Variants in ELK1 observed in about 807,000 individuals in gnomAD.
The protein encoded by ELK1 is ETS transcription factor ELK1.
For synonymous variants in ELK1, 163 were observed against 176.3 expected (o/e 0.92, Z 0.60); for missense variants, 254 against 381.5 (o/e 0.67, Z 2.78).
rs2058038961 is a variant in ELK1 at position 47,644,884 on chromosome X, CTG to C, written c.-34-3411_-34-3410del. On this transcript the variant is annotated intron_variant, in intron 2 of 6. Transcript: ENST00000376983. ...TGAACAGAGGGATGACAGGCTGTGA[CTG>C]AGATTTCAACAGGATCCCCCTGGCG... 2.7e-5 allele frequency among the ~76,000 whole-genome samples: 3 copies of C among 111,345 alleles called. No homozygotes were observed. In the South Asian group the frequency reaches 1.1e-3, roughly 42 times the overall value.
At chrX:47,648,518 C>G (rs1181002258) in intron 2 of ELK1, among the ~76,000 whole-genome samples, 1 of 112,461 alleles carries the variant, frequency 8.9e-6, no homozygotes, top group African/African-American at 3.2e-5. Flanking sequence ...GTGTGGTAAA[C>G]ATCCTTTGGG....
At chrX:47,645,117 T>C (rs778738390) in intron 2 of ELK1, among the ~76,000 whole-genome samples, 2 of 110,451 alleles carry the variant, frequency 1.8e-5, no homozygotes, top group Admixed American at 1.9e-4. Flanking sequence ...AAAGACAGCA[T>C]TGTGGTCAGC....
chrX:47,637,038 C>A lies in ELK1; in HGVS notation c.1163G>T (p.Arg388Leu), dbSNP rs763209954. 1 of 1,208,521 alleles carries A rather than the reference C, an allele frequency of 8.3e-7. No individual in the cohort carries two copies. The highest frequency in any genetic ancestry group is 3.0e-5 in the East Asian group (1 of 33,700). The change falls in exon 6 of 7, where the codon CGT becomes CTT. Residue 388 changes from arginine to leucine, a missense_variant. Coordinates refer to ENST00000376983, the MANE Select transcript of ELK1 (RefSeq NM_001114123.3). Reference protein sequence around the residue: ...FWSTLSPIAPRSPAKLSFQFP... With the variant: ...FWSTLSPIAPLSPAKLSFQFP... ...CTGGAAGGAGAGCTTGGCCGGGCTA[C>A]GGGGCGCAATGGGACTCAGGGTGCT...
chrX:47,636,786 G>A lies in ELK1; in HGVS notation c.*43C>T. The A allele has an allele frequency of 9.4e-7, 1 of 1,064,957 alleles. No homozygotes were observed. The highest frequency in any genetic ancestry group is 2.3e-5 in the South Asian group (1 of 44,187). The allele number at this position is 1,064,957 out of a possible 1,213,427, so 87.8% of individuals were successfully genotyped here. ...GAGATGGCTGGCTGGAGAGAGCATG[G>A]ATGGAGTGACCCCAGAAGGGGTGGT... On this transcript the variant is annotated 3_prime_UTR_variant, in exon 7 of 7. Transcript: ENST00000376983.
intron 2 of ELK1, 71 bp from the exon 3 acceptor site, chrX:47,641,546 C>T: frequency 1.3e-6 from 1 of 787,838 alleles, no homozygotes; most frequent in East Asian, 3.5e-5. Flanking sequence ...AGGAGGATTC[C>T]TTTTTTTGTC....
chrX:47,637,993 C>T lies in ELK1; in HGVS notation c.844G>A (p.Val282Met), dbSNP rs376525319. The T allele has an allele frequency of 6.5e-5, 78 of 1,209,016 alleles. No individual in the cohort carries two copies. The highest frequency in any genetic ancestry group is 8.0e-5 in the Non-Finnish European group (72 of 894,775). Reference sequence around the variant, plus strand: ...ACAACCGCGGGCAGCCGGGCTGGCACGCCCTCCTGTGGAGGGACTTCTGGC... The same window carrying T: ...ACAACCGCGGGCAGCCGGGCTGGCATGCCCTCCTGTGGAGGGACTTCTGGC... ...AEPEVPPQEG[V>M]PARLPAVVMD... Residue 282 changes from valine to methionine, a missense_variant, in exon 5 of 7, where the codon GTG becomes ATG. Physicochemically the swap from Val to Met is conservative, Grantham distance 21. Transcript: ENST00000376983.
Position 47,650,548 on chromosome X carries a change from C to CGGTGGTGGT in ELK1, c.-267_-266insACCACCACC, listed in dbSNP as rs762725923. On this transcript the variant is annotated 5_prime_UTR_variant, in exon 1 of 7. Transcript: ENST00000376983. ...GCGGTGGAGGTGGTGGTGGCGGTGGCGGCGGCAGCACCTAGAAGCCGCCCC... is the reference window on the plus strand; with the variant it reads ...GCGGTGGAGGTGGTGGTGGCGGTGGCGGTGGTGGTGGCGGCAGCACCTAGAAGCCGCCCC... 13 of 320,828 alleles carry CGGTGGTGGT rather than the reference C, an allele frequency of 4.1e-5. No individual in the cohort carries two copies. In the Admixed American group the frequency reaches 4.2e-4, roughly 10 times the overall value. The allele number at this position is 320,828 out of a possible 1,213,427, so 26.4% of individuals were successfully genotyped here. A position where few individuals can be genotyped will look rare whatever the true frequency, so the allele number is the denominator to read the frequency against.
At chrX:47,647,725 T>G (rs948751283) in intron 2 of ELK1, among the ~76,000 whole-genome samples, 41 of 112,199 alleles carry the variant, frequency 3.7e-4, no homozygotes, top group Non-Finnish European at 3.8e-5. Flanking sequence ...CCTGGTACAT[T>G]TTCAGTTGCT....
chrX:47,637,804 G>A lies in ELK1; in HGVS notation c.1033C>T (p.Leu345Phe). ...GTCAGCGCCGGCCCCGGAGCCTGGAGGCCGGAGCCACTTCCCGATCCTGGG... is the reference window on the plus strand; with the variant it reads ...GTCAGCGCCGGCCCCGGAGCCTGGAAGCCGGAGCCACTTCCCGATCCTGGG... The part of the protein sequence containing the change: ...RTPGSGSGSG[L>F]QAPGPALTPS... The change falls in exon 5 of 7, where the codon CTC becomes TTC. Residue 345 changes from leucine to phenylalanine, a missense_variant. Coordinates refer to ENST00000376983, the MANE Select transcript of ELK1 (RefSeq NM_001114123.3). The A allele has an allele frequency of 8.4e-7, 1 of 1,195,673 alleles. No homozygotes were observed. The highest frequency in any genetic ancestry group is 3.0e-5 in the East Asian group (1 of 33,228).
At position 47,636,739 on chromosome X, in the gene ELK1, C is replaced by T. The variant is rs745759656; in HGVS notation, c.*90G>A. 26 of 882,254 alleles carry T rather than the reference C, an allele frequency of 2.9e-5. No individual in the cohort carries two copies. The highest frequency in any genetic ancestry group is 4.0e-5 in the Non-Finnish European group (26 of 644,170). 72.7% of individuals were successfully genotyped at this position (882,254 alleles called of 1,213,427 possible). ...CACCACAATCAGAGCATGAGTCTTT[C>T]AGTTGAACTATGTTTCTCCTTGAGA... On this transcript the variant is annotated 3_prime_UTR_variant, in exon 7 of 7. Transcript: ENST00000376983.
chrX:47,648,645 G>C (rs2058050506), intron 2 of ELK1, among the ~76,000 whole-genome samples: 1 of 112,446 alleles, frequency 8.9e-6, no homozygotes, highest in African/African-American at 3.2e-5. Flanking sequence ...TGCTATGTTT[G>C]AGGAGCTGTG....
In ELK1 at chrX:47,639,970, C is replaced by A. The variant is rs367813964; in HGVS notation, c.211-632G>T. On this transcript the variant is annotated intron_variant, in intron 3 of 6. Coordinates refer to ENST00000376983, the MANE Select transcript of ELK1 (RefSeq NM_001114123.3). ...TGAAGCTAATGATACAGAAGTGGAA[C>A]AGGGCAAGGTCACTGCAGAGGAGAG... 1.6e-4 allele frequency among the ~76,000 whole-genome samples: 18 copies of A among 112,896 alleles called. No homozygotes were observed. The East Asian group carries it at 3.9e-3, about 24-fold the overall frequency.
At position 47,637,672 on chromosome X, in the gene ELK1, G is replaced by T; in HGVS notation, c.1086+79C>A. 2.8e-6 allele frequency: 3 copies of T among 1,081,011 alleles called. No homozygotes were observed. In the South Asian group the frequency reaches 6.5e-5, roughly 23 times the overall value. The allele number at this position is 1,081,011 out of a possible 1,213,427, so 89.1% of individuals were successfully genotyped here. On this transcript the variant is annotated intron_variant, in intron 5 of 6. Coordinates refer to ENST00000376983, the MANE Select transcript of ELK1 (RefSeq NM_001114123.3). Reference sequence around the variant, plus strand: ...GGAACAACCACACTCACCCTCCTCTGATTCCTGTCAGTCACCCGCCACATG... The same window carrying T: ...GGAACAACCACACTCACCCTCCTCTTATTCCTGTCAGTCACCCGCCACATG...
chrX:47,644,325 T>C (rs2058036903), intron 2 of ELK1, among the ~76,000 whole-genome samples: 2 of 111,720 alleles, frequency 1.8e-5, no homozygotes, highest in African/African-American at 3.3e-5. Flanking sequence ...TGCTTAGATA[T>C]GTTTACTTCT....
chrX:47,642,749 C>T (rs1010962038), intron 2 of ELK1, among the ~76,000 whole-genome samples: 3 of 110,291 alleles, frequency 2.7e-5, no homozygotes, highest in Non-Finnish European at 1.9e-5. Flanking sequence ...CAGGTACCCA[C>T]GACCACGCCC....
chrX:47,638,688 T>C (rs944545262), intron 4 of ELK1, among the ~76,000 whole-genome samples: 3 of 112,084 alleles, frequency 2.7e-5, no homozygotes, highest in African/African-American at 9.7e-5. Flanking sequence ...AGCTACTAAC[T>C]GTAGCACAGT....
rs2058007628 is a variant in ELK1 at position 47,636,278 on chromosome X, A to G, written c.*551T>C. ...CCAAGGGTGTGATTCTTCCTTGGCC[A>G]AGACTCCCAACCCATTAAATGGTAC... On this transcript the variant is annotated 3_prime_UTR_variant, in exon 7 of 7. Transcript: ENST00000376983. 8.9e-6 allele frequency: 1 copy of G among 112,319 alleles called. No individual in the cohort carries two copies. The highest frequency in any genetic ancestry group is 3.3e-5 in the African/African-American group (1 of 30,706). The allele number at this position is 112,319 out of a possible 1,213,427, so 9.3% of individuals were successfully genotyped here.
At position 47,638,000 on chromosome X, in the gene ELK1, C is replaced by T. The variant is rs1372231024; in HGVS notation, c.837G>A (p.Gln279=). The part of the protein sequence containing the change: ...TTKAEPEVPP[Q]EGVPARLPAV... Reference sequence around the variant, plus strand: ...CGGGCAGCCGGGCTGGCACGCCCTCCTGTGGAGGGACTTCTGGCTCGGCCT... The same window carrying T: ...CGGGCAGCCGGGCTGGCACGCCCTCTTGTGGAGGGACTTCTGGCTCGGCCT... The change falls in exon 5 of 7, where the codon CAG becomes CAA. Residue 279 remains glutamine (Q), a synonymous_variant. Coordinates refer to ENST00000376983, the MANE Select transcript of ELK1 (RefSeq NM_001114123.3). 2 of 1,211,138 alleles carry T rather than the reference C, an allele frequency of 1.7e-6. No homozygotes were observed. Among genetic ancestry groups the T allele is most frequent in the Non-Finnish European group, 2.2e-6 (2 of 895,289 alleles).
rs761741482 is a variant in ELK1, at chrX:47,635,965, C to T, written c.*864G>A. 9.1e-6 allele frequency: 1 copy of T among 109,965 alleles called. No homozygotes were observed. The highest frequency in any genetic ancestry group is 2.9e-4 in the East Asian group (1 of 3,502). 9.1% of individuals were successfully genotyped at this position (109,965 alleles called of 1,213,427 possible). A position where few individuals can be genotyped will look rare whatever the true frequency, so the allele number is the denominator to read the frequency against. ...ACCAAATATAGGAAGAGATGACTCC[C>T]TCTCCCCTATTGAAAAGCCCCATTT... On this transcript the variant is annotated 3_prime_UTR_variant, in exon 7 of 7. Transcript: ENST00000376983.
Sources: gnomAD v4.1 joint callset for allele counts (sites outside exome capture counted in the v4.1 genomes callset) on GRCh38, gnomAD v4.1.1 for gene constraint, MANE v1.5 for transcripts, NCBI Gene and HGNC (gene_info 2026-07-23, HGNC 2026-07-21) for gene names.